Variants in CELF2 observed in about 807,000 individuals in gnomAD.
The protein encoded by CELF2 is CUGBP Elav-like family member 2, also known as CUG triplet repeat RNA-binding protein 2.
Under a neutral mutation model 62.6 loss-of-function variants are expected in CELF2, and 8 were observed. That is an observed-to-expected ratio of 0.13 (90% CI 0.07 to 0.23). CELF2 has a LOEUF of 0.23. CELF2 is among the 10% of genes least tolerant of loss of function. The probability of loss-of-function intolerance (pLI) is 1.00; values close to 1 mark genes in which losing one functional copy is unlikely to be tolerated. For missense variants in CELF2, 333 were observed against 671.0 expected (o/e 0.50, Z 5.56); for synonymous variants, 258 against 250.0 (o/e 1.03, Z -0.30).
At chr10:11,108,864 C>T (rs868825952) in intron 1 of CELF2, among the ~76,000 whole-genome samples, 52 of 152,310 alleles carry the variant, frequency 3.4e-4, no homozygotes, top group African/African-American at 1.2e-3. Context: ...CTGTTCACAT[C>T]GTATGCACAT....
chr10:10,914,994 T>C (rs530565581), intron 1 of CELF2, among the ~76,000 whole-genome samples: 267 of 151,964 alleles, frequency 1.8e-3, no homozygotes, highest in African/African-American at 6.3e-3. Context: ...TAGCAGGGTG[T>C]GGTGGCATGT....
rs141652485 is a variant in CELF2, at chr10:10,908,538, C to A, written c.54-11426C>A. ...CCCGACCTGAAGGGATATTTTTAAA[C>A]ATAAATAAATACACTGTTGGAGAAA... On this transcript the variant is annotated intron_variant, in intron 1 of 13. Transcript: ENST00000636488. Among the ~76,000 whole-genome samples, 43 of 151,774 alleles carry A rather than the reference C, an allele frequency of 2.8e-4. No homozygotes were observed. The East Asian group carries it at 8.2e-3, about 29-fold the overall frequency.
the CELF2 span, among the ~76,000 whole-genome samples, chr10:10,560,256 A>T: frequency 6.6e-6 from 1 of 152,348 alleles, no homozygotes; most frequent in East Asian, 1.9e-4. Context: ...AAGGAAATAC[A>T]GGTAAGCATA....
the CELF2 span, among the ~76,000 whole-genome samples, chr10:10,532,773 C>G: frequency 6.6e-6 from 1 of 151,800 alleles, no homozygotes; most frequent in Non-Finnish European, 1.5e-5. Flanking sequence ...TCACTAGAGA[C>G]CAGGGAGCCT....
chr10:10,522,413 A>G, the CELF2 span, among the ~76,000 whole-genome samples: 2 of 152,226 alleles, frequency 1.3e-5, no homozygotes, highest in East Asian at 1.9e-4. Flanking sequence ...GTGCACGAAC[A>G]TGGATTTAAT....
At chr10:10,906,900 G>A (rs2063395010) in intron 1 of CELF2, among the ~76,000 whole-genome samples, 1 of 151,774 alleles carries the variant, frequency 6.6e-6, no homozygotes, top group Non-Finnish European at 1.5e-5. Context: ...CGTATTTTTA[G>A]TAGAGACGGG....
At chr10:11,111,669 A>G (rs1162030577) in intron 1 of CELF2, among the ~76,000 whole-genome samples, 2 of 152,168 alleles carry the variant, frequency 1.3e-5, no homozygotes, top group African/African-American at 4.8e-5. Flanking sequence ...CCTATGTCGT[A>G]CAGGTTAGAG....
At chr10:10,653,355 C>T in the CELF2 span, among the ~76,000 whole-genome samples, 5 of 148,968 alleles carry the variant, frequency 3.4e-5, no homozygotes, top group African/African-American at 1.2e-4. Flanking sequence ...CTCAGCTCTG[C>T]ACCAAGTGGA....
At chr10:10,534,051 G>T in the CELF2 span, among the ~76,000 whole-genome samples, 1 of 151,918 alleles carries the variant, frequency 6.6e-6, no homozygotes, top group Admixed American at 6.6e-5. Flanking sequence ...CTGTCACAGG[G>T]TATTTTGAAT....
chr10:10,811,883 T>C (rs1201680242), intron 1 of CELF2, among the ~76,000 whole-genome samples: 1 of 152,088 alleles, frequency 6.6e-6, no homozygotes, highest in Non-Finnish European at 1.5e-5. Flanking sequence ...TGCAAGGAGT[T>C]TGGTCCCAGA....
the CELF2 span, among the ~76,000 whole-genome samples, chr10:10,471,010 T>G: frequency 6.6e-6 from 1 of 151,720 alleles, no homozygotes. Context: ...TGAAATTGCT[T>G]TTTTTCATTG....
intron 1 of CELF2, among the ~76,000 whole-genome samples, chr10:11,095,290 C>T (rs1300219414): frequency 6.6e-6 from 1 of 152,158 alleles, no homozygotes; most frequent in Non-Finnish European, 1.5e-5. Flanking sequence ...TTTGTGACTT[C>T]ATTAGAATGA....
At chr10:10,599,089 TG>T in the CELF2 span, among the ~76,000 whole-genome samples, 1 of 152,172 alleles carries the variant, frequency 6.6e-6, no homozygotes, top group Admixed American at 6.5e-5. Flanking sequence ...TTCAGCATTT[TG>T]TTTCTCTTTC....
chr10:10,547,673 T>TAGAGAGAGAGAGAG, the CELF2 span, among the ~76,000 whole-genome samples: 12 of 135,340 alleles, frequency 8.9e-5, no homozygotes, highest in African/African-American at 2.9e-4. Flanking sequence ...ACCAAAAAGA[T>TAGAGAGAGAGAGAG]AGAGAGAGAG....
At chr10:11,030,274 T>C (rs2059885511) in intron 1 of CELF2, 1 of 152,230 alleles carries the variant, frequency 6.6e-6, no homozygotes, top group Non-Finnish European at 1.5e-5. Flanking sequence ...TATCAATAAT[T>C]CTCAGAAAAA....
the CELF2 span, among the ~76,000 whole-genome samples, chr10:10,616,719 T>TGAGAGA: frequency 6.3e-4 from 35 of 55,142 alleles, no homozygotes; most frequent in African/African-American, 1.1e-3. Context: ...TGTGTGTGTG[T>TGAGAGA]GAGAGAGAGA....
At chr10:10,731,524 G>C in the CELF2 span, among the ~76,000 whole-genome samples, 12 of 152,184 alleles carry the variant, frequency 7.9e-5, no homozygotes, top group African/African-American at 2.9e-4. Context: ...GTTGTAGATA[G>C]AAAACTTCTC....
At chr10:10,574,984 C>T in the CELF2 span, among the ~76,000 whole-genome samples, 4 of 151,286 alleles carry the variant, frequency 2.6e-5, no homozygotes, top group South Asian at 2.1e-4. Flanking sequence ...TCCGAAAGTG[C>T]TGGCATTACA....
rs188521896 is a variant in CELF2 at position 11,334,307 on chromosome 10, G to C, written c.*5254G>C. The stretch of plus-strand genomic sequence containing the variant: ...ACTTATTTTTGTAATGTATGTTATT[G>C]TGTGATGCAGTTTTTTGCTTCTGTC... On this transcript the variant is annotated 3_prime_UTR_variant, in exon 13 of 13. Transcript: ENST00000633077. 6.5e-6 allele frequency: 1 copy of C among 152,724 alleles called. No individual in the cohort carries two copies. The highest frequency in any genetic ancestry group is 2.4e-5 in the African/African-American group (1 of 41,568). The allele number at this position is 152,724 out of a possible 1,614,324, so 9.5% of individuals were successfully genotyped here. A position where few individuals can be genotyped will look rare whatever the true frequency, so the allele number is the denominator to read the frequency against.
Sources: gnomAD v4.1 joint callset for allele counts (sites outside exome capture counted in the v4.1 genomes callset) on GRCh38, gnomAD v4.1.1 for gene constraint, MANE v1.5 for transcripts, NCBI Gene and HGNC (gene_info 2026-07-23, HGNC 2026-07-21) for gene names.